The following TERF2 variants were observed in gnomAD, a reference collection of about 807,000 sequenced individuals.
TERF2 encodes the protein telomeric repeat-binding factor 2.
In TERF2, 16 loss-of-function variants were observed where a neutral mutation model predicts 56.1. The observed-to-expected ratio is 0.29, with a 90% confidence interval of 0.19 to 0.43. The LOEUF is 0.43. TERF2 is among the 20% of genes least tolerant of loss of function. The pLI is 1.00. For synonymous variants in TERF2, 296 were observed against 282.1 expected, an observed-to-expected ratio of 1.05 and a Z score of -0.50; for missense variants, 547 against 712.9, an observed-to-expected ratio of 0.77 and a Z score of 2.65.
intron 6 of TERF2, 89 bp downstream of exon 6, chr16:69,368,287 G>C: frequency 8.1e-7 from 1 of 1,236,140 alleles, no homozygotes; most frequent in Non-Finnish European, 1.2e-6. Flanking sequence ...TCGGAGTGCT[G>C]AGAGGAACTG....
intron 8 of TERF2, among the ~76,000 whole-genome samples, chr16:69,360,881 C>A (rs2013113634): frequency 6.6e-6 from 1 of 152,028 alleles, no homozygotes; most frequent in Non-Finnish European, 1.5e-5. Context: ...CAAGAACTCT[C>A]TTTAAACATA....
Position 69,371,868 on chromosome 16 carries a change from G to A in TERF2, c.693+401C>T, listed in dbSNP as rs571316994. 4.6e-4 allele frequency among the ~76,000 whole-genome samples: 70 copies of A among 152,034 alleles called. No homozygotes were observed. In the South Asian group the frequency reaches 0.014, roughly 31 times the overall value. On this transcript the variant is annotated intron_variant, in intron 4 of 9. Transcript: ENST00000254942. ...AAGGAAGAAGAAAAAATAAAAGCAG[G>A]GGACCAACAGAACTTTTGACACCAG...
chr16:69,384,792 A>G (rs1164605429), intron 2 of TERF2, 82 bp from the exon 3 acceptor site: 3 of 1,258,518 alleles, frequency 2.4e-6, no homozygotes, highest in Non-Finnish European at 3.2e-6. Flanking sequence ...ATATATATTT[A>G]TGGAAATGGA....
chr16:69,379,401 G>A (rs181925687), intron 3 of TERF2, among the ~76,000 whole-genome samples: 11 of 152,332 alleles, frequency 7.2e-5, no homozygotes, highest in South Asian at 2.1e-4. Context: ...GGACAATGCC[G>A]CATAGTAAAA....
intron 7 of TERF2, among the ~76,000 whole-genome samples, chr16:69,362,308 T>C (rs2013174472): frequency 6.6e-6 from 1 of 152,130 alleles, no homozygotes; most frequent in East Asian, 1.9e-4. Flanking sequence ...AAGCCTCCTC[T>C]AACTACCAAC....
intron 3 of TERF2, among the ~76,000 whole-genome samples, chr16:69,382,353 C>T (rs575742856): frequency 6.6e-6 from 1 of 152,292 alleles, no homozygotes; most frequent in South Asian, 2.1e-4. Context: ...TAACAGATTC[C>T]GTGACTGTAA....
At chr16:69,361,326 G>T in intron 8 of TERF2, 78 bp downstream of exon 8, 1 of 1,022,044 alleles carries the variant, frequency 9.8e-7, no homozygotes, top group Non-Finnish European at 1.5e-6. Flanking sequence ...AGCAGCTTCT[G>T]GAATATTAAC....
Position 69,356,441 on chromosome 16 carries a change from G to A in TERF2, c.*457C>T, listed in dbSNP as rs1274004193. ...CCATGATCTCCAACAGTGATGAAGT[G>A]GAAATGGGACCTCCCCCACGTCGAA... On this transcript the variant is annotated 3_prime_UTR_variant, in exon 10 of 10. Transcript: ENST00000254942. 7 of 269,126 alleles carry A rather than the reference G, an allele frequency of 2.6e-5. No homozygotes were observed. The highest frequency in any genetic ancestry group is 1.1e-4 in the African/African-American group (5 of 44,084). 16.7% of individuals were successfully genotyped at this position (269,126 alleles called of 1,614,324 possible).
In TERF2 at chr16:69,367,094, G is replaced by T; in HGVS notation, c.1053C>A (p.Asp351Glu). ...QDSEAAFAKLDQKDLVLPTQA... is the reference protein window; with the variant it reads ...QDSEAAFAKLEQKDLVLPTQA... ...GAGTAGGAAGAACCAGATCCTTCTG[G>T]TCCAGTTTTGCAAAGGCTGCCTCAG... Residue 351 changes from aspartate (D) to glutamate (E), a missense_variant, in exon 7 of 10, where the codon GAC becomes GAA. Physicochemically the swap from Asp to Glu is conservative, Grantham distance 45. Transcript: ENST00000254942. The T allele has an allele frequency of 1.2e-6, 2 of 1,614,202 alleles. No homozygotes were observed. Among genetic ancestry groups the T allele is most frequent in the Non-Finnish European group, 1.7e-6 (2 of 1,180,036 alleles).
At chr16:69,374,322 G>A (rs2013687708) in intron 3 of TERF2, among the ~76,000 whole-genome samples, 1 of 151,944 alleles carries the variant, frequency 6.6e-6, no homozygotes, top group African/African-American at 2.4e-5. Context: ...TGGCTGTCCT[G>A]TGTAGTCACA....
intron 8 of TERF2, among the ~76,000 whole-genome samples, chr16:69,358,413 T>G (rs2013002470): frequency 6.6e-6 from 1 of 152,236 alleles, no homozygotes; most frequent in African/African-American, 2.4e-5. Context: ...CCCAAAGTGC[T>G]GGGATTCCAG....
chr16:69,361,251 A>C (rs1033252778), intron 8 of TERF2, 153 bp downstream of exon 8: 23 of 639,708 alleles, frequency 3.6e-5, no homozygotes, highest in African/African-American at 7.3e-5. Flanking sequence ...AAAAAAAAAA[A>C]AACTGATTCT....
At chr16:69,384,749 T>C in intron 2 of TERF2, 39 bp from the exon 3 acceptor site, 2 of 1,544,044 alleles carry the variant, frequency 1.3e-6, no homozygotes, top group Non-Finnish European at 1.7e-6. Flanking sequence ...AGCTCTTTTC[T>C]AAGGGTAAAA....
intron 3 of TERF2, among the ~76,000 whole-genome samples, chr16:69,373,683 C>A (rs1488628257): frequency 6.6e-6 from 1 of 152,090 alleles, no homozygotes; most frequent in Non-Finnish European, 1.5e-5. Context: ...AAAAAACCCA[C>A]CTACCCAGGC....
intron 3 of TERF2, among the ~76,000 whole-genome samples, chr16:69,373,649 T>C (rs573358309): frequency 1.3e-5 from 2 of 151,998 alleles, no homozygotes; most frequent in African/African-American, 2.4e-5. Flanking sequence ...CTGGGGAACA[T>C]AGGGAGACCC....
At chr16:69,367,227 G>A in intron 6 of TERF2, 28 bp from the exon 7 acceptor site, 1 of 1,570,608 alleles carries the variant, frequency 6.4e-7, no homozygotes, top group Non-Finnish European at 8.6e-7. Context: ...GCACAAAGAT[G>A]TTTTTCACCA....
rs533404469 is a variant in TERF2, at chr16:69,360,015, G to A, written c.1426+1389C>T. On this transcript the variant is annotated intron_variant, in intron 8 of 9. Coordinates refer to ENST00000254942, the MANE Select transcript of TERF2 (RefSeq NM_005652.5). ...TGAGTTCAAGGAATCCGCCTGCCTC[G>A]GCCTCCCAAAGTGCTGGGATTACAG... Among the ~76,000 whole-genome samples the A allele has an allele frequency of 4.6e-5, 7 of 151,926 alleles. No individual in the cohort carries two copies. The South Asian group carries it at 6.2e-4, about 14-fold the overall frequency.
chr16:69,373,038 A>AGAGGGGGAT (rs1409249313), intron 3 of TERF2, among the ~76,000 whole-genome samples: 1 of 152,152 alleles, frequency 6.6e-6, no homozygotes, highest in African/African-American at 2.4e-5. Context: ...CTTTAAAGCA[A>AGAGGGGGAT]GAGGGGGATG....
In TERF2 at chr16:69,356,440, T is replaced by C. The variant is rs1342659646; in HGVS notation, c.*458A>G. 3 of 269,756 alleles carry C rather than the reference T, an allele frequency of 1.1e-5. No individual in the cohort carries two copies. Among genetic ancestry groups the C allele is most frequent in the African/African-American group, 6.8e-5 (3 of 44,004 alleles). The allele number at this position is 269,756 out of a possible 1,614,324, so 16.7% of individuals were successfully genotyped here. A position where few individuals can be genotyped will look rare whatever the true frequency, so the allele number is the denominator to read the frequency against. On this transcript the variant is annotated 3_prime_UTR_variant, in exon 10 of 10. Transcript: ENST00000254942. ...TCCATGATCTCCAACAGTGATGAAG[T>C]GGAAATGGGACCTCCCCCACGTCGA...
Sources: gnomAD v4.1 joint callset for allele counts (sites outside exome capture counted in the v4.1 genomes callset) on GRCh38, gnomAD v4.1.1 for gene constraint, MANE v1.5 for transcripts, NCBI Gene and HGNC (gene_info 2026-07-23, HGNC 2026-07-21) for gene names.